Variants in SOX5 observed in about 807,000 individuals in gnomAD.
SOX5 encodes the protein transcription factor SOX-5.
In SOX5, 9 loss-of-function variants were observed where a neutral mutation model predicts 92.0. The ratio of observed to expected loss-of-function variants is 0.10; its 90% CI spans 0.06 to 0.17. The LOEUF (loss-of-function observed/expected upper bound fraction) is 0.17, where lower values mean the gene tolerates loss of function less well. Among genes scored for constraint, SOX5 ranks in the 10% least tolerant of loss-of-function variants. SOX5 has a pLI of 1.00. For synonymous variants in SOX5, 344 were observed against 336.3 expected (o/e 1.02, Z -0.25); for missense variants, 642 against 944.5 (o/e 0.68, Z 4.20).
intron 4 of SOX5, among the ~76,000 whole-genome samples, chr12:24,035,162 C>T (rs140758384): frequency 7.9e-5 from 12 of 152,220 alleles, no homozygotes; most frequent in African/African-American, 2.9e-4. Flanking sequence ...TTAAGTGACA[C>T]TGAGGGTAGA....
At chr12:24,309,970 C>G (rs1403693968) in intron 2 of SOX5, among the ~76,000 whole-genome samples, 1 of 152,114 alleles carries the variant, frequency 6.6e-6, no homozygotes, top group African/African-American at 2.4e-5. Context: ...ACTTTCCCTA[C>G]CTGATTGCTA....
At chr12:23,626,024 A>C (rs985897624) in intron 8 of SOX5, among the ~76,000 whole-genome samples, 2 of 152,162 alleles carry the variant, frequency 1.3e-5, no homozygotes, top group African/African-American at 4.8e-5. Flanking sequence ...GAAAATAGTT[A>C]AGGGGAAGAA....
chr12:24,447,162 C>G lies in SOX5; in HGVS notation c.-250-78523G>C, dbSNP rs75602033. Among the ~76,000 whole-genome samples, 1,063 of 152,198 alleles carry G rather than the reference C, an allele frequency of 7.0e-3. 6 individuals carry two copies. Among genetic ancestry groups the G allele is most frequent in the Non-Finnish European group, 0.012 (788 of 67,998 alleles). On this transcript the variant is annotated intron_variant, in intron 1 of 4. Coordinates refer to the SOX5 transcript ENST00000446891. ...TCTTGAGCAGGGGCTGCTCTTCCAA[C>G]GAGAACAAACAGTATGGAAAGGGAG...
chr12:24,095,057 CTTCT>C (rs1020144239), intron 4 of SOX5, among the ~76,000 whole-genome samples: 2 of 147,534 alleles, frequency 1.4e-5, no homozygotes. Context: ...CATTACAAAT[CTTCT>C]TTTACTTTCT....
intron 2 of SOX5, among the ~76,000 whole-genome samples, chr12:23,884,250 T>C (rs976631640): frequency 5.9e-5 from 9 of 152,200 alleles, no homozygotes; most frequent in African/African-American, 2.2e-4. Context: ...ACCATTTCCA[T>C]AATTTGCCAA....
chr12:24,516,739 T>C (rs1311413503), intron 1 of SOX5, among the ~76,000 whole-genome samples: 3 of 152,358 alleles, frequency 2.0e-5, no homozygotes, highest in South Asian at 4.1e-4. Flanking sequence ...ATATTTCTTC[T>C]TTATAATCTC....
chr12:24,406,032 GCCTGGCTCCCAT>G (rs1962865165), intron 1 of SOX5, among the ~76,000 whole-genome samples: 1 of 152,128 alleles, frequency 6.6e-6, no homozygotes, highest in Non-Finnish European at 1.5e-5. Context: ...ATGGACTGCA[GCCTGGCTCCCAT>G]CCTGAAAATC....
At chr12:24,516,146 G>A (rs544078298) in intron 1 of SOX5, among the ~76,000 whole-genome samples, 4 of 151,330 alleles carry the variant, frequency 2.6e-5, no homozygotes, top group East Asian at 1.9e-4. Context: ...GGGCTAAAGC[G>A]ATCCTCCCAC....
At chr12:24,517,790 A>G (rs1031787983) in intron 1 of SOX5, among the ~76,000 whole-genome samples, 2 of 152,098 alleles carry the variant, frequency 1.3e-5, no homozygotes, top group Non-Finnish European at 2.9e-5. Flanking sequence ...TCTCTCAGCA[A>G]AACATTAAAA....
chr12:23,779,967 G>C (rs905570071), intron 3 of SOX5, among the ~76,000 whole-genome samples: 1 of 148,534 alleles, frequency 6.7e-6, no homozygotes, highest in African/African-American at 2.5e-5. Flanking sequence ...GTGTGTGTGT[G>C]TGTGTGTGTG....
At chr12:24,409,445 CCTTT>C (rs1163614983) in intron 1 of SOX5, among the ~76,000 whole-genome samples, 2 of 151,978 alleles carry the variant, frequency 1.3e-5, no homozygotes, top group African/African-American at 2.4e-5. Context: ...CACATGTATC[CCTTT>C]TTTTTTAGAA....
intron 1 of SOX5, among the ~76,000 whole-genome samples, chr12:24,463,804 T>C (rs1260264532): frequency 6.6e-6 from 1 of 152,194 alleles, no homozygotes; most frequent in African/African-American, 2.4e-5. Context: ...CTTCCAATCC[T>C]GGTCAGACGT....
chr12:23,773,332 A>T (rs1488560714), intron 3 of SOX5, among the ~76,000 whole-genome samples: 1 of 152,110 alleles, frequency 6.6e-6, no homozygotes, highest in African/African-American at 2.4e-5. Context: ...AAAACTGTAA[A>T]TATAAAACCT....
rs1245958956 is a variant in SOX5 at position 24,393,365 on chromosome 12, T to C, written c.-250-24726A>G. Among the ~76,000 whole-genome samples, 1 of 152,138 alleles carries C rather than the reference T, an allele frequency of 6.6e-6. No individual in the cohort carries two copies. Among genetic ancestry groups the C allele is most frequent in the Non-Finnish European group, 1.5e-5 (1 of 68,018 alleles). The stretch of plus-strand genomic sequence containing the variant: ...GACTTTTTGGGTTGTGGTCTTGCCA[T>C]TGGGACACAATTACAGGCCAATCAG... On this transcript the variant is annotated intron_variant, in intron 1 of 4. Coordinates refer to the SOX5 transcript ENST00000446891. The surrounding 1 kb of genome is among the most constrained non-coding windows in gnomAD (Gnocchi z 5.0).
intron 3 of SOX5, among the ~76,000 whole-genome samples, chr12:24,258,569 A>G (rs1201114540): frequency 6.6e-6 from 1 of 152,226 alleles, no homozygotes; most frequent in East Asian, 1.9e-4. Context: ...CTCCTGTAGA[A>G]AAGCTTCTTG....
chr12:23,641,649 G>C (rs991539010), intron 7 of SOX5, among the ~76,000 whole-genome samples: 3 of 152,096 alleles, frequency 2.0e-5, no homozygotes, highest in Admixed American at 1.3e-4. Context: ...AGGTTATTCT[G>C]CTTATTTTTT....
chr12:23,789,069 C>G (rs1255055127), intron 3 of SOX5, among the ~76,000 whole-genome samples: 1 of 151,782 alleles, frequency 6.6e-6, no homozygotes, highest in East Asian at 1.9e-4. Flanking sequence ...AAGTATAAAT[C>G]ATAAATCTCC....
In SOX5 at chr12:23,776,706, C is replaced by A. The variant is rs1008355509; in HGVS notation, c.482-20982G>T. ...GATCATCAGGCATTAGATTCTCATA[C>A]AGAGTGCACAACCTAGATCCCTAGC... On this transcript the variant is annotated intron_variant, in intron 3 of 14. Transcript: ENST00000451604. Among the ~76,000 whole-genome samples, 3 of 152,068 alleles carry A rather than the reference C, an allele frequency of 2.0e-5. No homozygotes were observed. The South Asian group carries it at 6.2e-4, about 32-fold the overall frequency.
In SOX5 at chr12:23,615,234, T is replaced by C. The variant is rs2076413858; in HGVS notation, c.1018-10701A>G. 2.0e-5 allele frequency among the ~76,000 whole-genome samples: 3 copies of C among 152,236 alleles called. No homozygotes were observed. The South Asian group carries it at 6.2e-4, about 31-fold the overall frequency. ...ATCTTTTCATGTACTTATTAGCCATTCCTGTCTTTTTTGGTAAAATATGCA... is the reference window on the plus strand; with the variant it reads ...ATCTTTTCATGTACTTATTAGCCATCCCTGTCTTTTTTGGTAAAATATGCA... On this transcript the variant is annotated intron_variant, in intron 8 of 14. Transcript: ENST00000451604.
Sources: allele counts gnomAD v4.1 joint callset (sites outside exome capture counted in the v4.1 genomes callset), GRCh38; gene constraint gnomAD v4.1.1; non-coding constraint Gnocchi (gnomAD v3.1); transcripts MANE v1.5; gene names NCBI Gene and HGNC (gene_info 2026-07-23, HGNC 2026-07-21).